PCAT7: variants seen among roughly 807,000 people sequenced by gnomAD.
PCAT7 encodes prostate cancer associated transcript 7.
At chr9:94,567,473 C>A (rs1827208260) in intron 2 of PCAT7, 2 of 1,589,248 alleles carry the variant, frequency 1.3e-6, no homozygotes, top group Admixed American at 1.7e-5. Flanking sequence ...CCGCACAATC[C>A]CCACATCAGA....
At chr9:94,563,015 G>C (rs908687887) in intron 2 of PCAT7, among the ~76,000 whole-genome samples, 2 of 152,206 alleles carry the variant, frequency 1.3e-5, no homozygotes, top group African/African-American at 4.8e-5. Context: ...CATCATCCCA[G>C]ATCAGCTGGT....
chr9:94,562,099 C>T (rs1030688848), intron 2 of PCAT7, among the ~76,000 whole-genome samples: 1 of 151,996 alleles, frequency 6.6e-6, no homozygotes, highest in Non-Finnish European at 1.5e-5. Flanking sequence ...ATCACGAGGT[C>T]AGGAGATCGA....
At chr9:94,565,778 A>AGATAGAAAATAGATACATAGAT (rs1564180684) in intron 2 of PCAT7, among the ~76,000 whole-genome samples, 7 of 66,218 alleles carry the variant, frequency 1.1e-4, no homozygotes, top group Non-Finnish European at 2.3e-4. Context: ...GATGATAGAT[A>AGATAGAAAATAGATACATAGAT]GATAGATAGA....
intron 2 of PCAT7, among the ~76,000 whole-genome samples, chr9:94,564,183 C>T (rs954087949): frequency 6.6e-6 from 1 of 152,210 alleles, no homozygotes; most frequent in Non-Finnish European, 1.5e-5. Flanking sequence ...AATATACATT[C>T]TTCTCATCAC....
At chr9:94,566,504 G>A (rs1396421908) in intron 2 of PCAT7, among the ~76,000 whole-genome samples, 5 of 152,186 alleles carry the variant, frequency 3.3e-5, no homozygotes, top group African/African-American at 2.4e-5. Flanking sequence ...TTAGTTAATC[G>A]AATATCTATA....
intron 2 of PCAT7, chr9:94,559,158 T>C: frequency 6.3e-7 from 1 of 1,597,336 alleles, no homozygotes; most frequent in South Asian, 1.1e-5. Context: ...GGCAGGTGAG[T>C]AAACTCTGCA....
At chr9:94,570,107 G>C (rs1385779939) in intron 2 of PCAT7, 1 of 152,236 alleles carries the variant, frequency 6.6e-6, no homozygotes, top group African/African-American at 2.4e-5. Flanking sequence ...ATGTTGACAA[G>C]CTCTGGTGCC....
chr9:94,567,432 GGAA>G (rs2131446743), intron 2 of PCAT7: 1 of 1,602,374 alleles, frequency 6.2e-7, no homozygotes, highest in Non-Finnish European at 8.5e-7. Flanking sequence ...AGAGATGCCA[GGAA>G]GAAGAGAGAA....
At chr9:94,559,099 A>G in exon 2 of PCAT7, 2 of 1,613,770 alleles carry the variant, frequency 1.2e-6, no homozygotes, top group Non-Finnish European at 1.7e-6. Flanking sequence ...TCAATGATGT[A>G]GGCCACGGGA....
At chr9:94,555,078 AC>A (rs1321455537) in exon 1 of PCAT7, 1 of 152,082 alleles carries the variant, frequency 6.6e-6, no homozygotes, top group African/African-American at 2.4e-5. Context: ...CATGCGCATA[AC>A]CTCAGGATAT....
chr9:94,564,091 G>A (rs1417195670), intron 2 of PCAT7, among the ~76,000 whole-genome samples: 5 of 152,106 alleles, frequency 3.3e-5, no homozygotes, highest in African/African-American at 4.8e-5. Flanking sequence ...GAAAATTAAC[G>A]AAGATACTCA....
intron 1 of PCAT7, among the ~76,000 whole-genome samples, chr9:94,557,735 C>T (rs1827031621): frequency 6.6e-6 from 1 of 152,206 alleles, no homozygotes; most frequent in African/African-American, 2.4e-5. Flanking sequence ...TAGGTTAAGC[C>T]TGACTTTCTC....
intron 2 of PCAT7, among the ~76,000 whole-genome samples, chr9:94,567,071 A>G (rs147749572): frequency 4.7e-4 from 71 of 152,324 alleles, no homozygotes; most frequent in African/African-American, 1.6e-3. Context: ...AAAGATAAGT[A>G]CTACCTTTAG....
intron 1 of PCAT7, chr9:94,558,601 C>T (rs2131436412): frequency 3.4e-6 from 1 of 296,980 alleles, no homozygotes; most frequent in South Asian, 3.0e-5. Context: ...CTGACAAATT[C>T]TTAACTAATC....
chr9:94,561,302 C>G (rs1008963921), intron 2 of PCAT7, among the ~76,000 whole-genome samples: 1 of 149,452 alleles, frequency 6.7e-6, no homozygotes, highest in African/African-American at 2.5e-5. Flanking sequence ...ATCAAAATGC[C>G]CAGGGCTTCA....
At chr9:94,566,525 T>C (rs1271007671) in intron 2 of PCAT7, among the ~76,000 whole-genome samples, 1 of 152,238 alleles carries the variant, frequency 6.6e-6, no homozygotes, top group African/African-American at 2.4e-5. Flanking sequence ...GAAACAATGC[T>C]AATGACTGGC....
In PCAT7 at chr9:94,560,517, C is replaced by G. The variant is rs530532778; in HGVS notation, n.441+1365C>G. Among the ~76,000 whole-genome samples, 140 of 152,204 alleles carry G rather than the reference C, an allele frequency of 9.2e-4. 4 individuals are homozygous for G. The South Asian group carries it at 0.028, about 30-fold the overall frequency. ...GTATCATCTTCTTCTTTCTCCCCATCAGTGCAACCTGTGTAACTTCCCAAA... is the reference window on the plus strand; with the variant it reads ...GTATCATCTTCTTCTTTCTCCCCATGAGTGCAACCTGTGTAACTTCCCAAA... On this transcript the variant is annotated intron_variant and non_coding_transcript_variant, in intron 2 of 8. Transcript: ENST00000647389.
intron 2 of PCAT7, chr9:94,570,008 C>T (rs972732505): frequency 1.3e-5 from 2 of 152,186 alleles, no homozygotes; most frequent in African/African-American, 4.8e-5. Flanking sequence ...CTCAAATGTC[C>T]TTTTTAGTAG....
intron 2 of PCAT7, chr9:94,559,185 G>A (rs994627516): frequency 2.7e-5 from 41 of 1,517,250 alleles, no homozygotes; most frequent in African/African-American, 1.8e-4. Context: ...CAAATGTCCC[G>A]AGCCATGCCC....
Sources: allele counts gnomAD v4.1 joint callset (sites outside exome capture counted in the v4.1 genomes callset), GRCh38; gene constraint gnomAD v4.1.1; transcripts MANE v1.5; gene names NCBI Gene and HGNC (gene_info 2026-07-23, HGNC 2026-07-21).